The following ATAD2B variants were observed in gnomAD, a reference collection of about 807,000 sequenced individuals.
The protein encoded by ATAD2B is ATPase family AAA domain-containing protein 2B.
In ATAD2B, 40 loss-of-function variants were observed where a neutral mutation model predicts 167.6. The observed-to-expected ratio is 0.24, with a 90% CI of 0.19 to 0.31. The LOEUF is 0.31. Among genes scored for constraint, ATAD2B ranks in the 10% least tolerant of loss-of-function variants. ATAD2B has a pLI of 1.00. For missense variants in ATAD2B, 1,242 were observed against 1,757.2 expected (o/e 0.71, Z 5.24); for synonymous variants, 579 against 596.5 (o/e 0.97, Z 0.43).
At chr2:23,801,084 CTATGT>C (rs1372369435) in intron 18 of ATAD2B, among the ~76,000 whole-genome samples, 3 of 152,046 alleles carry the variant, frequency 2.0e-5, no homozygotes, top group Non-Finnish European at 4.4e-5. Context: ...ATTCCTTATT[CTATGT>C]TATCTCAGAA....
chr2:23,688,339 T>A, the ATAD2B span, among the ~76,000 whole-genome samples: 1 of 152,148 alleles, frequency 6.6e-6, no homozygotes, highest in South Asian at 2.1e-4. Flanking sequence ...CCCATGCCTG[T>A]CCCTCACCCA....
rs1208461337 is a variant in ATAD2B, at chr2:23,823,342, G to T, written c.2047C>A (p.Leu683Met). Residue 683 changes from leucine (L) to methionine (M), a missense_variant, in exon 16 of 28, where the codon CTG becomes ATG. Coordinates refer to ENST00000238789, the MANE Select transcript of ATAD2B (RefSeq NM_017552.4). ...HALSPIIRPLLERSFNNILAV... is the reference protein window; with the variant it reads ...HALSPIIRPLMERSFNNILAV... ...AGGATGTTGTTGAAGCTTCTTTCCA[G>T]CAGTGGTCTTATGATGGGGGATAGT... 1.9e-6 allele frequency: 3 copies of T among 1,613,854 alleles called. No individual in the cohort carries two copies. The South Asian group carries it at 3.3e-5, about 18-fold the overall frequency.
At chr2:23,811,955 A>C (rs1350044369) in intron 17 of ATAD2B, among the ~76,000 whole-genome samples, 2 of 152,094 alleles carry the variant, frequency 1.3e-5, no homozygotes, top group Non-Finnish European at 2.9e-5. Flanking sequence ...CTAAAGCTCC[A>C]TACCAGAGAA....
At chr2:23,883,722 G>T in intron 6 of ATAD2B, 2 of 652,576 alleles carry the variant, frequency 3.1e-6, no homozygotes, top group African/African-American at 2.0e-5. Flanking sequence ...ATTAACTACA[G>T]AATTTTTAAA....
intron 22 of ATAD2B, among the ~76,000 whole-genome samples, chr2:23,781,843 C>T (rs190244923): frequency 2.7e-5 from 4 of 148,758 alleles, no homozygotes; most frequent in Admixed American, 2.0e-4. Context: ...GAAAGGCTAT[C>T]GCTATGTTGC....
At chr2:23,834,781 G>A (rs546484660) in intron 13 of ATAD2B, among the ~76,000 whole-genome samples, 29 of 152,180 alleles carry the variant, frequency 1.9e-4, no homozygotes, top group Middle Eastern at 3.4e-3. Context: ...GGCCAGGCGC[G>A]GTGGTGCATG....
At chr2:23,758,622 A>T (rs1676235002) in intron 24 of ATAD2B, among the ~76,000 whole-genome samples, 1 of 152,240 alleles carries the variant, frequency 6.6e-6, no homozygotes, top group Non-Finnish European at 1.5e-5. Context: ...TTCCAGAAAA[A>T]GGAATCACCC....
At chr2:23,696,387 T>C in the ATAD2B span, 4 of 1,551,630 alleles carry the variant, frequency 2.6e-6, no homozygotes, top group Non-Finnish European at 2.6e-6. The surrounding 1 kb of genome is among the most constrained non-coding windows in gnomAD (Gnocchi z 5.5). Context: ...ATGTCCCTGC[T>C]TGATAACTGG....
chr2:23,750,232 C>T lies in ATAD2B; in HGVS notation c.*1814G>A, dbSNP rs1675206738. On this transcript the variant is annotated 3_prime_UTR_variant, in exon 28 of 28. Transcript: ENST00000238789. Reference sequence around the variant, plus strand: ...TGCCCACCTTAAAAATACAGTGTGTCTACATGGGTAGCATCTTGACTTGTA... The same window carrying T: ...TGCCCACCTTAAAAATACAGTGTGTTTACATGGGTAGCATCTTGACTTGTA... 6.6e-6 allele frequency: 1 copy of T among 152,010 alleles called. No homozygotes were observed. Among genetic ancestry groups the T allele is most frequent in the African/African-American group, 2.4e-5 (1 of 41,404 alleles). The allele number at this position is 152,010 out of a possible 1,614,324, so 9.4% of individuals were successfully genotyped here.
chr2:23,779,986 G>C (rs190461030), intron 22 of ATAD2B, among the ~76,000 whole-genome samples: 5 of 152,118 alleles, frequency 3.3e-5, no homozygotes, highest in Admixed American at 2.6e-4. Flanking sequence ...AGCTCACATG[G>C]GTAATACCAG....
chr2:23,875,297 T>A (rs1047830764), intron 8 of ATAD2B, among the ~76,000 whole-genome samples: 2 of 151,876 alleles, frequency 1.3e-5, no homozygotes, highest in African/African-American at 4.8e-5. Flanking sequence ...GTCAGGAGTT[T>A]GAGACCATCC....
the ATAD2B span, chr2:23,703,330 T>C: frequency 6.5e-7 from 1 of 1,542,512 alleles, no homozygotes; most frequent in East Asian, 2.5e-5. Flanking sequence ...TCCTCCAGTC[T>C]TACGTTCCTC....
At position 23,834,054 on chromosome 2, in the gene ATAD2B, A is replaced by G. The variant is rs947564586; in HGVS notation, c.1593T>C (p.Ala531=). 1.2e-6 allele frequency: 2 copies of G among 1,606,280 alleles called. No homozygotes were observed. The highest frequency in any genetic ancestry group is 1.7e-6 in the Non-Finnish European group (2 of 1,176,678). The change falls in exon 14 of 28, where the codon GCT becomes GCC. Residue 531 remains alanine (A), a synonymous_variant. Coordinates refer to ENST00000238789, the MANE Select transcript of ATAD2B (RefSeq NM_017552.4). The stretch of plus-strand genomic sequence containing the variant: ...CCCTATTATCTAATCCATCCATAAG[A>G]GCAAGGAGGGTTGATACTATAGAGC... ...IHSSIVSTLL[A]LMDGLDNRGE...
intron 8 of ATAD2B, chr2:23,872,370 A>G (rs1573160887): frequency 1.5e-6 from 1 of 653,222 alleles, no homozygotes; most frequent in East Asian, 3.4e-5. Flanking sequence ...CAATGGGAAT[A>G]CTAGTCGGCA....
intron 1 of ATAD2B, among the ~76,000 whole-genome samples, chr2:23,899,178 G>A (rs1168640609): frequency 6.6e-6 from 1 of 151,890 alleles, no homozygotes; most frequent in East Asian, 1.9e-4. Flanking sequence ...TGGGCATAGT[G>A]GTATGCACCA....
the ATAD2B span, chr2:23,689,251 C>G: frequency 6.6e-6 from 1 of 152,294 alleles, no homozygotes; most frequent in African/African-American, 2.4e-5. Context: ...CCAGGAGGAA[C>G]AGAGCCACAG....
chr2:23,897,749 C>T (rs1470680641), intron 1 of ATAD2B, among the ~76,000 whole-genome samples: 3 of 152,138 alleles, frequency 2.0e-5, no homozygotes, highest in African/African-American at 4.8e-5. Flanking sequence ...TCTGGCACAA[C>T]TGAATTCTGT....
chr2:23,843,678 C>A (rs1045269711), intron 13 of ATAD2B, among the ~76,000 whole-genome samples: 1 of 152,142 alleles, frequency 6.6e-6, no homozygotes, highest in Non-Finnish European at 1.5e-5. Context: ...CTCCTCAGCT[C>A]TTCATTTAAA....
chr2:23,713,241 G>A, the ATAD2B span, among the ~76,000 whole-genome samples: 28 of 152,364 alleles, frequency 1.8e-4, no homozygotes, highest in African/African-American at 6.7e-4. Flanking sequence ...TGTCTCCTTA[G>A]GGTGTTAGCC....
Sources: gnomAD v4.1 joint callset for allele counts (sites outside exome capture counted in the v4.1 genomes callset) on GRCh38, gnomAD v4.1.1 for gene constraint, Gnocchi (gnomAD v3.1) non-coding constraint, MANE v1.5 for transcripts, NCBI Gene and HGNC (gene_info 2026-07-23, HGNC 2026-07-21) for gene names.